Variants in KDM3A observed in about 807,000 individuals in gnomAD.
KDM3A encodes lysine demethylase 3A.
Under a neutral mutation model 158.0 loss-of-function variants are expected in KDM3A, and 60 were observed. That is an observed-to-expected ratio of 0.38 (90% CI 0.31 to 0.47). The LOEUF (loss-of-function observed/expected upper bound fraction) is 0.47, where lower values mean the gene tolerates loss of function less well. Among genes scored for constraint, KDM3A ranks in the 20% least tolerant of loss-of-function variants. KDM3A has a pLI of 0.99. For synonymous variants in KDM3A, 608 were observed against 549.3 expected (o/e 1.11, Z -1.49); for missense variants, 1,319 against 1,574.3 (o/e 0.84, Z 2.74).
At chr2:86,483,408 A>G (rs971961642) in intron 18 of KDM3A, 1 of 152,414 alleles carries the variant, frequency 6.6e-6, no homozygotes, top group Non-Finnish European at 1.5e-5. Flanking sequence ...GGATTTGCTC[A>G]TTTAATCATA....
At chr2:86,486,521 G>A (rs976196936) in intron 21 of KDM3A, among the ~76,000 whole-genome samples, 1 of 152,170 alleles carries the variant, frequency 6.6e-6, no homozygotes, top group African/African-American at 2.4e-5. Flanking sequence ...GTTGAATGCA[G>A]TTCTAGTTGT....
At chr2:86,439,025 A>C (rs1230828229), upstream of KDM3A, among the ~76,000 whole-genome samples, 1 of 151,848 alleles carries the variant, frequency 6.6e-6, no homozygotes, top group African/African-American at 2.4e-5. Flanking sequence ...TTTTTCGTTC[A>C]TATGTGTGTG....
Position 86,464,162 on chromosome 2 carries a change from G to A in KDM3A, c.953G>A (p.Ser318Asn), listed in dbSNP as rs1298723447. 3 of 1,611,988 alleles carry A rather than the reference G, an allele frequency of 1.9e-6. No individual in the cohort carries two copies. The highest frequency in any genetic ancestry group is 1.3e-5 in the African/African-American group (1 of 74,842). ...CCTAGTAAGGACCCAAGACAGCAAA[G>A]TACTCCCCAGGCTGCCAACTCTCCA... ...TPPSKDPRQQ[S>N]TPQAANSPPN... Residue 318 changes from serine (S) to asparagine (N), a missense_variant, in exon 9 of 26, where the codon AGT becomes AAT. Around this residue, in one of 4 missense-constraint regions of KDM3A, gnomAD observed 652 missense variants for 627.2 expected, o/e 1.04. Coordinates refer to ENST00000312912, the MANE Select transcript of KDM3A (RefSeq NM_018433.6).
At chr2:86,476,556 AC>A (rs141463078) in intron 12 of KDM3A, among the ~76,000 whole-genome samples, 3,430 of 152,312 alleles carry the variant, frequency 0.023, 130 homozygotes, top group African/African-American at 0.079. Context: ...AGAAGAGTTT[AC>A]CTCTGATCCT....
intron 4 of KDM3A, 72 bp downstream of exon 4, chr2:86,451,285 A>G (rs1279982705): frequency 3.2e-6 from 3 of 940,742 alleles, no homozygotes; most frequent in East Asian, 5.0e-5. Context: ...AGTAAAGTAC[A>G]GTTGAACCTT....
chr2:86,452,856 G>GT (rs1346654524), intron 4 of KDM3A, among the ~76,000 whole-genome samples: 1 of 152,170 alleles, frequency 6.6e-6, no homozygotes, highest in African/African-American at 2.4e-5. Context: ...ATTTTATAAT[G>GT]TTTAAGTAAT....
chr2:86,452,162 T>C (rs1379284398), intron 4 of KDM3A, among the ~76,000 whole-genome samples: 1 of 151,940 alleles, frequency 6.6e-6, no homozygotes, highest in Non-Finnish European at 1.5e-5. Flanking sequence ...ACAGGTGTGC[T>C]TTTTGCAGTC....
At chr2:86,458,775 A>G (rs1201640865) in intron 8 of KDM3A, among the ~76,000 whole-genome samples, 2 of 152,162 alleles carry the variant, frequency 1.3e-5, no homozygotes, top group African/African-American at 4.8e-5. Flanking sequence ...GGTCAGAGAT[A>G]GGAAGTTTGG....
Position 86,456,333 on chromosome 2 carries a change from C to T in KDM3A, c.557-109C>T, listed in dbSNP as rs552092432. On this transcript the variant is annotated intron_variant, in intron 5 of 25. Transcript: ENST00000312912. ...TTTGTAGTGATTCTTTTAATGTTTA[C>T]TTTTGCGTTTTTTTAAAAAAGACTT... 29 of 767,206 alleles carry T rather than the reference C, an allele frequency of 3.8e-5. No homozygotes were observed. In the African/African-American group the frequency reaches 4.6e-4, roughly 12 times the overall value. The allele number at this position is 767,206 out of a possible 1,614,324, so 47.5% of individuals were successfully genotyped here.
intron 4 of KDM3A, among the ~76,000 whole-genome samples, 157 bp downstream of exon 4, chr2:86,451,370 C>G (rs955830012): frequency 6.6e-6 from 1 of 152,156 alleles, no homozygotes; most frequent in Non-Finnish European, 1.5e-5. Flanking sequence ...TCCCTCCAAA[C>G]TCTACTAATA....
At chr2:86,443,935 C>G (rs148730527) in intron 2 of KDM3A, among the ~76,000 whole-genome samples, 279 of 152,200 alleles carry the variant, frequency 1.8e-3, no homozygotes, top group African/African-American at 6.1e-3. Context: ...AAAATTTTCT[C>G]TAGTGCATTT....
chr2:86,474,647 G>A (rs753486198), intron 11 of KDM3A, 129 bp from the exon 12 acceptor site: 1 of 631,922 alleles, frequency 1.6e-6, no homozygotes, highest in Non-Finnish European at 2.7e-6. Flanking sequence ...CTGGGTGACA[G>A]AGCGAGACTC....
At chr2:86,459,102 C>T (rs1045167916) in intron 8 of KDM3A, among the ~76,000 whole-genome samples, 1 of 152,130 alleles carries the variant, frequency 6.6e-6, no homozygotes, top group Non-Finnish European at 1.5e-5. Context: ...CATGACAGTT[C>T]TAGCTTAGGA....
Position 86,480,256 on chromosome 2 carries a change from A to G in KDM3A, c.2406A>G (p.Ala802=). The G allele has an allele frequency of 6.2e-7, 1 of 1,613,794 alleles. No individual in the cohort carries two copies. Among genetic ancestry groups the G allele is most frequent in the African/African-American group, 1.3e-5 (1 of 75,040 alleles). The part of the protein sequence containing the change: ...VLEPAAVGGE[A]ASKPAGSMKP... ...AGCCAGCAGCTGTGGGTGGGGAAGC[A>G]GCCTCCAAGCCAGCCGGCAGCATGA... is the stretch of plus-strand genomic sequence containing the variant. Residue 802 remains alanine (A), a synonymous_variant, in exon 16 of 26, where the codon GCA becomes GCG. Coordinates refer to ENST00000312912, the MANE Select transcript of KDM3A (RefSeq NM_018433.6).
intron 25 of KDM3A, 99 bp downstream of exon 25, chr2:86,491,374 G>T (rs1011951774): frequency 1.7e-6 from 2 of 1,206,442 alleles, no homozygotes. Context: ...TGGCCATATC[G>T]TACTTAGTAC....
intron 12 of KDM3A, 86 bp downstream of exon 12, chr2:86,475,076 T>G (rs1673602834): frequency 9.5e-7 from 1 of 1,057,570 alleles, no homozygotes; most frequent in Non-Finnish European, 1.4e-6. Flanking sequence ...TTGCTTGGGT[T>G]TTTTTTCACC....
At chr2:86,471,401 T>A (rs911545583) in intron 11 of KDM3A, among the ~76,000 whole-genome samples, 6 of 151,812 alleles carry the variant, frequency 4.0e-5, no homozygotes, top group Non-Finnish European at 8.8e-5. Flanking sequence ...ATATATATAT[T>A]TTCAAAATCA....
intron 5 of KDM3A, 52 bp from the exon 6 acceptor site, chr2:86,456,390 T>G: frequency 7.8e-7 from 1 of 1,275,426 alleles, no homozygotes; most frequent in Non-Finnish European, 1.1e-6. Context: ...ATGTTGCTAT[T>G]GGGAGATAAT....
chr2:86,459,771 T>G lies in KDM3A; in HGVS notation c.843+2700T>G, dbSNP rs1672853397. Among the ~76,000 whole-genome samples, 3 of 152,322 alleles carry G rather than the reference T, an allele frequency of 2.0e-5. No homozygotes were observed. The South Asian group carries it at 6.2e-4, about 32-fold the overall frequency. On this transcript the variant is annotated intron_variant, in intron 8 of 25. Transcript: ENST00000312912. ...TTCTTGCAAGGCCAGAAGCATTACT[T>G]TTTTATCTTTCTCAGCATGTTGCCC...
Sources: allele counts gnomAD v4.1 joint callset (sites outside exome capture counted in the v4.1 genomes callset), GRCh38; gene constraint gnomAD v4.1.1; regional missense constraint gnomAD v4.1.1; transcripts MANE v1.5; gene names NCBI Gene and HGNC (gene_info 2026-07-23, HGNC 2026-07-21).